TGIF1: variants seen among roughly 807,000 people sequenced by gnomAD.
The protein encoded by TGIF1 is homeobox protein TGIF1.
TGIF1 carries 4 observed loss-of-function variants against 19.3 expected under a neutral mutation model. That is an observed-to-expected ratio of 0.21 (90% CI 0.10 to 0.47). The LOEUF (loss-of-function observed/expected upper bound fraction) is 0.47, where lower values mean the gene tolerates loss of function less well. TGIF1 is among the 20% of genes least tolerant of loss of function. The pLI, the probability that TGIF1 is intolerant of heterozygous loss-of-function variation, is 0.98. For missense variants in TGIF1, 275 were observed against 341.4 expected (o/e 0.81, Z 1.53); for synonymous variants, 122 against 129.3 (o/e 0.94, Z 0.38).
At chr18:3,450,157 C>T, upstream of TGIF1, 2 of 1,259,858 alleles carry the variant, frequency 1.6e-6, no homozygotes, top group Non-Finnish European at 2.0e-6. Context: ...TGTACCTTCC[C>T]TCCTCGCCTC....
At chr18:3,447,961 C>T (rs763343931), upstream of TGIF1, 1 of 878,774 alleles carries the variant, frequency 1.1e-6, no homozygotes. Context: ...TTAGCCAAGT[C>T]CACTTGGACG....
At position 3,434,913 on chromosome 18, in the gene TGIF1, C is replaced by G. The variant is rs372945402; in HGVS notation, c.-45+16698C>G. Among the ~76,000 whole-genome samples, 4 of 152,226 alleles carry G rather than the reference C, an allele frequency of 2.6e-5. No individual in the cohort carries two copies. In the East Asian group the frequency reaches 7.7e-4, roughly 29 times the overall value. ...TGCAATGTGAACAGGAAAAATAAAGCCAAGTAAAATAGCTGACTTATACAG... is the reference window on the plus strand; with the variant it reads ...TGCAATGTGAACAGGAAAAATAAAGGCAAGTAAAATAGCTGACTTATACAG... On this transcript the variant is annotated intron_variant, in intron 2 of 3. Transcript: ENST00000401449.
intron 1 of TGIF1, among the ~76,000 whole-genome samples, 193 bp downstream of exon 1, chr18:3,450,698 G>A (rs1241105886): frequency 6.6e-6 from 1 of 152,220 alleles, no homozygotes; most frequent in Non-Finnish European, 1.5e-5. Flanking sequence ...CAACACGAGG[G>A]GCTGTTGTGG....
At chr18:3,450,808 C>A (rs2082891115) in intron 1 of TGIF1, among the ~76,000 whole-genome samples, 1 of 152,206 alleles carries the variant, frequency 6.6e-6, no homozygotes, top group African/African-American at 2.4e-5. Context: ...ACCCCACGCT[C>A]GGCCCAGCCG....
intron 2 of TGIF1, among the ~76,000 whole-genome samples, chr18:3,422,686 T>TG (rs1319725703): frequency 0.012 from 1,423 of 118,850 alleles, 71 homozygotes; most frequent in East Asian, 0.02. Flanking sequence ...TTTTTTTTTT[T>TG]TTTTTTTTTT....
chr18:3,432,370 C>G (rs2082560391), intron 2 of TGIF1, among the ~76,000 whole-genome samples: 1 of 152,096 alleles, frequency 6.6e-6, no homozygotes. Context: ...AGTGCGTGAT[C>G]CTACATCGGA....
At chr18:3,455,920 A>T (rs759795471) in intron 1 of TGIF1, 9 of 259,972 alleles carry the variant, frequency 3.5e-5, no homozygotes, top group Non-Finnish European at 6.8e-5. Context: ...TAAAATGTAC[A>T]TTAGGACTGG....
rs1044410814 is a variant in TGIF1 at position 3,451,707 on chromosome 18, C to T, written c.16+1202C>T. Reference sequence around the variant, plus strand: ...GCCCTGAAACGCGCGGAGCTTCCCTCTGCCTCCAGGCTTTCCCAGCGAGAG... The same window carrying T: ...GCCCTGAAACGCGCGGAGCTTCCCTTTGCCTCCAGGCTTTCCCAGCGAGAG... On this transcript the variant is annotated intron_variant, in intron 1 of 2. Transcript: ENST00000343820. This position sits in a 1 kb window ranked among gnomAD's most constrained non-coding sequence, Gnocchi z 5.4. The T allele has an allele frequency of 5.7e-6, 7 of 1,223,610 alleles. No individual in the cohort carries two copies. The highest frequency in any genetic ancestry group is 4.1e-5 in the Admixed American group (1 of 24,676). The allele number at this position is 1,223,610 out of a possible 1,614,324, so 75.8% of individuals were successfully genotyped here.
Position 3,452,098 on chromosome 18 carries a change from G to T in TGIF1, c.16+1593G>T, listed in dbSNP as rs778932776. On this transcript the variant is annotated intron_variant, in intron 1 of 2. Transcript: ENST00000343820. ...GCCTCCCACCCCGGGAATCCCCAGTGCTCCTTTTCCACGGCTTTTCTGGCG... is the reference window on the plus strand; with the variant it reads ...GCCTCCCACCCCGGGAATCCCCAGTTCTCCTTTTCCACGGCTTTTCTGGCG... 3.7e-6 allele frequency: 6 copies of T among 1,613,874 alleles called. No homozygotes were observed. The African/African-American group carries it at 6.7e-5, about 18-fold the overall frequency.
At chr18:3,447,662 G>C, upstream of TGIF1, 2 of 1,562,170 alleles carry the variant, frequency 1.3e-6, no homozygotes, top group Admixed American at 3.3e-5. Flanking sequence ...CGGTTGGGCT[G>C]TAAGCTTTCG....
intron 1 of TGIF1, chr18:3,415,685 C>T: frequency 5.4e-6 from 1 of 185,840 alleles, no homozygotes; most frequent in South Asian, 1.2e-4. Flanking sequence ...AGGCCAAGGT[C>T]TCACTGATTT....
At chr18:3,450,638 CTT>C in intron 1 of TGIF1, 133 bp downstream of exon 1, 2 of 1,519,004 alleles carry the variant, frequency 1.3e-6, no homozygotes, top group Non-Finnish European at 1.8e-6. Flanking sequence ...CGGCCGTGCT[CTT>C]TGTTGAGGCT....
intron 1 of TGIF1, among the ~76,000 whole-genome samples, chr18:3,416,202 G>A (rs974250424): frequency 1.3e-5 from 2 of 152,184 alleles, no homozygotes; most frequent in Non-Finnish European, 2.9e-5. Flanking sequence ...AATGTGTGAG[G>A]AAGCTTGGAC....
chr18:3,448,607 T>A (rs1365103578), upstream of TGIF1: 1 of 985,326 alleles, frequency 1.0e-6, no homozygotes, highest in African/African-American at 1.7e-5. Context: ...GGTTGCTGCC[T>A]TCTTAGAGAG....
chr18:3,429,797 T>C (rs1293993701), intron 2 of TGIF1, among the ~76,000 whole-genome samples: 1 of 152,246 alleles, frequency 6.6e-6, no homozygotes, highest in Non-Finnish European at 1.5e-5. Context: ...ACATTGCAAC[T>C]AACTTCTGAG....
At chr18:3,446,738 AAGC>A (rs2082752884), upstream of TGIF1, among the ~76,000 whole-genome samples, 4 of 152,210 alleles carry the variant, frequency 2.6e-5, 1 homozygote, top group South Asian at 8.3e-4. Context: ...GCTCTTTCTT[AAGC>A]AGTCCAAGAC....
At chr18:3,432,960 C>T (rs9960935) in intron 2 of TGIF1, among the ~76,000 whole-genome samples, 101,976 of 151,898 alleles carry the variant, frequency 0.67, 34,554 homozygotes, top group East Asian at 0.91. Context: ...GGTTTCTCCA[C>T]GTTGGTCAGG....
chr18:3,413,967 A>C (rs995760030), intron 1 of TGIF1, among the ~76,000 whole-genome samples: 5 of 152,194 alleles, frequency 3.3e-5, no homozygotes, highest in African/African-American at 1.2e-4. Context: ...TAATCCTATA[A>C]ATTAATTATA....
At chr18:3,419,994 A>T (rs1365864992) in intron 2 of TGIF1, among the ~76,000 whole-genome samples, 2 of 145,960 alleles carry the variant, frequency 1.4e-5, no homozygotes, top group Non-Finnish European at 3.0e-5. Context: ...TAACGGGGCA[A>T]GACTCCGTCT....
Sources: gnomAD v4.1 joint callset for allele counts (sites outside exome capture counted in the v4.1 genomes callset) on GRCh38, gnomAD v4.1.1 for gene constraint, Gnocchi (gnomAD v3.1) non-coding constraint, MANE v1.5 for transcripts, NCBI Gene and HGNC (gene_info 2026-07-23, HGNC 2026-07-21) for gene names.